KCNIP4: variants seen among roughly 807,000 people sequenced by gnomAD.
The protein encoded by KCNIP4 is potassium voltage-gated channel interacting protein 4.
In KCNIP4, 12 loss-of-function variants were observed where a neutral mutation model predicts 34.0. That is an observed-to-expected ratio of 0.35 (90% CI 0.23 to 0.57). The LOEUF is 0.57. Among genes scored for constraint, KCNIP4 ranks in the 20% least tolerant of loss-of-function variants. KCNIP4 has a pLI of 0.83. For synonymous variants in KCNIP4, 124 were observed against 102.2 expected (o/e 1.21, Z -1.29); for missense variants, 238 against 311.7 (o/e 0.76, Z 1.78).
At chr4:21,193,716 C>A (rs1227009325) in intron 1 of KCNIP4, among the ~76,000 whole-genome samples, 1 of 151,730 alleles carries the variant, frequency 6.6e-6, no homozygotes, top group Non-Finnish European at 1.5e-5. Context: ...GGACTACAGG[C>A]GCCAGCCACC....
chr4:20,882,713 G>A lies in KCNIP4; in HGVS notation c.62-4C>T. The A allele has an allele frequency of 1.9e-6, 3 of 1,609,606 alleles. No homozygotes were observed. The highest frequency in any genetic ancestry group is 2.6e-6 in the Non-Finnish European group (3 of 1,176,296). ...CTGTTCTGAGCGTACAGGAAACCTA[G>A]AAGATACAGGATCAGTTCTGTTAAT... On this transcript the variant is annotated splice_region_variant and splice_polypyrimidine_tract_variant and intron_variant, in intron 1 of 8. Transcript: ENST00000382152.
At chr4:21,314,891 G>C (rs1015563925) in intron 1 of KCNIP4, among the ~76,000 whole-genome samples, 1 of 152,132 alleles carries the variant, frequency 6.6e-6, no homozygotes, top group Non-Finnish European at 1.5e-5. Context: ...ATTTCTTTTA[G>C]AGCAGATTCT....
intron 1 of KCNIP4, among the ~76,000 whole-genome samples, chr4:21,928,741 C>T (rs1252756520): frequency 2.0e-5 from 3 of 151,978 alleles, no homozygotes; most frequent in Non-Finnish European, 4.4e-5. Context: ...ATCCTAATCC[C>T]CCTTCTCTGA....
chr4:21,704,403 T>C (rs1713106263), intron 1 of KCNIP4, among the ~76,000 whole-genome samples: 1 of 152,090 alleles, frequency 6.6e-6, no homozygotes. Flanking sequence ...TCAGAGACCC[T>C]GTCAAGACAA....
At chr4:21,116,651 T>C (rs1384217581) in intron 1 of KCNIP4, among the ~76,000 whole-genome samples, 1 of 152,234 alleles carries the variant, frequency 6.6e-6, no homozygotes, top group Non-Finnish European at 1.5e-5. Context: ...AGATTGGTTT[T>C]GTTATATCTG....
In KCNIP4 at chr4:20,729,857, AATGAGTTAGACC is replaced by A. The variant is rs1290973321; in HGVS notation, c.*213_*224del. 1 of 417,904 alleles carries A rather than the reference AATGAGTTAGACC, an allele frequency of 2.4e-6. No individual in the cohort carries two copies. The highest frequency in any genetic ancestry group is 3.6e-5 in the East Asian group (1 of 27,684). The allele number at this position is 417,904 out of a possible 1,614,324, so 25.9% of individuals were successfully genotyped here. A position where few individuals can be genotyped will look rare whatever the true frequency, so the allele number is the denominator to read the frequency against. On this transcript the variant is annotated 3_prime_UTR_variant, in exon 9 of 9. Coordinates refer to ENST00000382152, the MANE Select transcript of KCNIP4 (RefSeq NM_025221.6). ...ACTTTTGAATATTCACAGAGTATGA[AATGAGTTAGACC>A]ATCCCCTGAACTCAGTGGCATTATG...
At chr4:21,114,028 T>C (rs1749479289) in intron 1 of KCNIP4, among the ~76,000 whole-genome samples, 1 of 152,216 alleles carries the variant, frequency 6.6e-6, no homozygotes, top group Admixed American at 6.5e-5. Context: ...GCCAGAGGGT[T>C]TGATGTGGTC....
chr4:20,870,151 G>A (rs553987905), intron 2 of KCNIP4, among the ~76,000 whole-genome samples: 16 of 152,182 alleles, frequency 1.1e-4, no homozygotes, highest in African/African-American at 1.7e-4. Flanking sequence ...GTTTGGCTGC[G>A]TGTGCCCACC....
intron 1 of KCNIP4, among the ~76,000 whole-genome samples, chr4:21,928,500 A>T (rs571713694): frequency 6.6e-6 from 1 of 152,162 alleles, no homozygotes; most frequent in Admixed American, 6.6e-5. Flanking sequence ...CTGTAATCAA[A>T]GAGTAAATCA....
At chr4:20,764,281 A>C (rs1755200004) in intron 3 of KCNIP4, among the ~76,000 whole-genome samples, 1 of 152,194 alleles carries the variant, frequency 6.6e-6, no homozygotes, top group Non-Finnish European at 1.5e-5. Context: ...GTAGAAATAA[A>C]GTTTTAATAA....
intron 1 of KCNIP4, among the ~76,000 whole-genome samples, chr4:20,892,999 C>A (rs1316157131): frequency 1.3e-5 from 2 of 152,128 alleles, no homozygotes; most frequent in Non-Finnish European, 2.9e-5. Flanking sequence ...GGTGACAAGA[C>A]CTTCGTTTGT....
chr4:20,925,394 AAAG>A (rs1410600823), intron 1 of KCNIP4, among the ~76,000 whole-genome samples: 3 of 152,204 alleles, frequency 2.0e-5, no homozygotes, highest in Admixed American at 2.0e-4. Context: ...AGGTTGCAGT[AAAG>A]AAGCCAGCTA....
In KCNIP4 at chr4:21,055,236, T is replaced by C. The variant is rs150211659; in HGVS notation, c.62-172527A>G. On this transcript the variant is annotated intron_variant, in intron 1 of 8. Transcript: ENST00000382152. ...AATGAGATACCACTAGAAATGTATT[T>C]GAATTGCCAAAATCCAAAACACTCA... is the stretch of plus-strand genomic sequence containing the variant. 5.4e-3 allele frequency among the ~76,000 whole-genome samples: 829 copies of C among 152,310 alleles called. 4 individuals are homozygous for C. Among genetic ancestry groups the C allele is most frequent in the Non-Finnish European group, 8.8e-3 (601 of 68,030 alleles).
chr4:20,802,187 A>ATATATATGCTATATATGCTATATATATGC (rs71181585), intron 3 of KCNIP4, among the ~76,000 whole-genome samples: 1 of 57,780 alleles, frequency 1.7e-5, no homozygotes, highest in Non-Finnish European at 4.1e-5. Flanking sequence ...TATATATGCT[A>ATATATATGCTATATATGCTATATATATGC]TATATATGCT....
intron 1 of KCNIP4, among the ~76,000 whole-genome samples, chr4:21,807,856 C>T (rs532382972): frequency 6.6e-6 from 1 of 152,074 alleles, no homozygotes; most frequent in Non-Finnish European, 1.5e-5. Flanking sequence ...CAAATTGAAG[C>T]CTTTCTTCAA....
chr4:21,661,433 T>A (rs1411910288), intron 1 of KCNIP4, among the ~76,000 whole-genome samples: 1 of 152,110 alleles, frequency 6.6e-6, no homozygotes, highest in African/African-American at 2.4e-5. Flanking sequence ...CTGCCATGGG[T>A]CTGGAGCCCA....
At chr4:20,892,168 C>A (rs1447350810) in intron 1 of KCNIP4, among the ~76,000 whole-genome samples, 1 of 152,092 alleles carries the variant, frequency 6.6e-6, no homozygotes, top group Non-Finnish European at 1.5e-5. Flanking sequence ...AGAAAATGAC[C>A]TTCCTAATTG....
intron 1 of KCNIP4, among the ~76,000 whole-genome samples, chr4:20,959,009 T>C (rs551277236): frequency 6.6e-6 from 1 of 152,296 alleles, no homozygotes; most frequent in Admixed American, 6.5e-5. Flanking sequence ...TTGAAATCAG[T>C]GGGTGTATAC....
intron 1 of KCNIP4, among the ~76,000 whole-genome samples, chr4:21,720,921 T>C (rs888873668): frequency 5.9e-5 from 9 of 152,176 alleles, no homozygotes; most frequent in African/African-American, 2.2e-4. Context: ...TCTATCATGA[T>C]GGACATTTGG....
Sources: gnomAD v4.1 joint callset for allele counts (sites outside exome capture counted in the v4.1 genomes callset) on GRCh38, gnomAD v4.1.1 for gene constraint, MANE v1.5 for transcripts, NCBI Gene and HGNC (gene_info 2026-07-23, HGNC 2026-07-21) for gene names.